TFCP2L1: variants seen among roughly 807,000 people sequenced by gnomAD.
TFCP2L1 encodes the protein transcription factor CP2 like 1.
Under a neutral mutation model 72.2 loss-of-function variants are expected in TFCP2L1, and 12 were observed. That is an observed-to-expected ratio of 0.17 (90% CI 0.11 to 0.27). TFCP2L1 has a LOEUF of 0.27. TFCP2L1 is among the 10% of genes least tolerant of loss of function. The pLI is 1.00. For missense variants in TFCP2L1, 488 were observed against 624.6 expected (o/e 0.78, Z 2.33); for synonymous variants, 260 against 251.0 (o/e 1.04, Z -0.34).
intron 12 of TFCP2L1, among the ~76,000 whole-genome samples, chr2:121,233,492 C>T (rs1213865901): frequency 1.3e-5 from 2 of 152,182 alleles, no homozygotes; most frequent in African/African-American, 2.4e-5. Context: ...GAGATTTGGT[C>T]TTGGTATATT....
At chr2:121,269,433 G>A (rs1385554625) in intron 2 of TFCP2L1, among the ~76,000 whole-genome samples, 1 of 151,734 alleles carries the variant, frequency 6.6e-6, no homozygotes, top group Admixed American at 6.6e-5. Context: ...GGGTGACAGA[G>A]GTGAGACCCT....
intron 2 of TFCP2L1, among the ~76,000 whole-genome samples, chr2:121,275,231 A>T (rs1430334317): frequency 6.6e-6 from 1 of 151,656 alleles, no homozygotes; most frequent in African/African-American, 2.4e-5. Context: ...AAAAATACAA[A>T]CTGTTAGCCA....
intron 13 of TFCP2L1, among the ~76,000 whole-genome samples, chr2:121,229,975 G>A (rs1218245343): frequency 6.6e-6 from 1 of 152,074 alleles, no homozygotes; most frequent in African/African-American, 2.4e-5. Context: ...GAAACAAATC[G>A]GAGTCTTAAT....
intron 2 of TFCP2L1, among the ~76,000 whole-genome samples, chr2:121,251,372 C>T (rs1686610438): frequency 6.6e-6 from 1 of 152,120 alleles, no homozygotes; most frequent in Non-Finnish European, 1.5e-5. Context: ...ACTTCGATTT[C>T]TCTGGGTTTT....
chr2:121,247,061 T>G, intron 5 of TFCP2L1, 91 bp from the exon 6 acceptor site: 1 of 1,497,152 alleles, frequency 6.7e-7, no homozygotes, highest in Non-Finnish European at 9.1e-7. Flanking sequence ...GAGGTGTCCT[T>G]CCCTGCTTGG....
chr2:121,217,361 G>A lies in TFCP2L1; in HGVS notation c.*6980C>T, dbSNP rs1558720153. The A allele has an allele frequency of 2.6e-5, 4 of 152,432 alleles. No homozygotes were observed. Among genetic ancestry groups the A allele is most frequent in the South Asian group, 4.1e-4 (2 of 4,824 alleles). 9.4% of individuals were successfully genotyped at this position (152,432 alleles called of 1,614,324 possible). On this transcript the variant is annotated 3_prime_UTR_variant, in exon 15 of 15. Transcript: ENST00000263707. The stretch of plus-strand genomic sequence containing the variant: ...AGTGGCTGCTGTCTGCCCCTGGAGT[G>A]AAGACACCAGGGGTGCACAGAGGCT...
intron 10 of TFCP2L1, among the ~76,000 whole-genome samples, chr2:121,236,703 T>A (rs3768906): frequency 0.52 from 79,286 of 151,574 alleles, 21,003 homozygotes; most frequent in Non-Finnish European, 0.56. Flanking sequence ...CTCTGACCTC[T>A]CCTCCCCGGG....
chr2:121,251,036 G>C (rs1686601365), intron 2 of TFCP2L1, among the ~76,000 whole-genome samples: 2 of 151,942 alleles, frequency 1.3e-5, no homozygotes, highest in Non-Finnish European at 2.9e-5. Context: ...AGGCAGGTGG[G>C]ATCACTTGTG....
chr2:121,256,882 G>C (rs1573382407), intron 2 of TFCP2L1, among the ~76,000 whole-genome samples: 1 of 152,086 alleles, frequency 6.6e-6, no homozygotes. Context: ...CTTGAACCCG[G>C]GAGGCAGAGC....
At position 121,254,798 on chromosome 2, in the gene TFCP2L1, G is replaced by A. The variant is rs1004403496; in HGVS notation, c.215-5151C>T. On this transcript the variant is annotated intron_variant, in intron 2 of 14. Coordinates refer to ENST00000263707, the MANE Select transcript of TFCP2L1 (RefSeq NM_014553.3). ...AGCCTGGGGGAGAGAGCGAGACTCC[G>A]TTTCAAAAAAAAAAAAAAGGAAGAA... 9.1e-4 allele frequency among the ~76,000 whole-genome samples: 135 copies of A among 147,776 alleles called. 2 individuals carry two copies. The highest frequency in any genetic ancestry group is 3.3e-3 in the African/African-American group (131 of 39,816).
At chr2:121,229,894 G>T (rs1215803009) in intron 13 of TFCP2L1, among the ~76,000 whole-genome samples, 1 of 152,200 alleles carries the variant, frequency 6.6e-6, no homozygotes, top group African/African-American at 2.4e-5. Context: ...CACTGTTTCT[G>T]TACTCAGTAT....
Position 121,239,960 on chromosome 2 carries a change from G to A in TFCP2L1, c.769-311C>T, listed in dbSNP as rs942592227. 3 of 827,422 alleles carry A rather than the reference G, an allele frequency of 3.6e-6. No individual in the cohort carries two copies. In the African/African-American group the frequency reaches 5.5e-5, roughly 15 times the overall value. The allele number at this position is 827,422 out of a possible 1,614,324, so 51.3% of individuals were successfully genotyped here. A position where few individuals can be genotyped will look rare whatever the true frequency, so the allele number is the denominator to read the frequency against. ...TCATGTGATTCTTGGGTCCACGAGAGAGAAAAAACGAAACCAGCCAGTTGT... is the reference window on the plus strand; with the variant it reads ...TCATGTGATTCTTGGGTCCACGAGAAAGAAAAAACGAAACCAGCCAGTTGT... On this transcript the variant is annotated intron_variant, in intron 7 of 14. Coordinates refer to ENST00000263707, the MANE Select transcript of TFCP2L1 (RefSeq NM_014553.3).
At chr2:121,241,157 C>T (rs928047735) in intron 7 of TFCP2L1, among the ~76,000 whole-genome samples, 2 of 152,096 alleles carry the variant, frequency 1.3e-5, no homozygotes, top group Non-Finnish European at 2.9e-5. Flanking sequence ...AAGAGTTGCA[C>T]AAAAATTCCC....
chr2:121,231,790 G>T, intron 13 of TFCP2L1, 36 bp downstream of exon 13: 1 of 1,607,206 alleles, frequency 6.2e-7, no homozygotes. Flanking sequence ...GTGGCCCAGA[G>T]CCCGTTGTCG....
intron 14 of TFCP2L1, among the ~76,000 whole-genome samples, 163 bp from the exon 15 acceptor site, chr2:121,224,550 G>A (rs1685985414): frequency 6.6e-6 from 1 of 152,220 alleles, no homozygotes; most frequent in Non-Finnish European, 1.5e-5. Context: ...CACATGCCCT[G>A]ACATCTGCCT....
intron 6 of TFCP2L1, among the ~76,000 whole-genome samples, chr2:121,246,537 C>T (rs906232794): frequency 1.3e-5 from 2 of 152,126 alleles, no homozygotes; most frequent in Admixed American, 6.5e-5. Context: ...TATAGAGTAG[C>T]GCCGAGGACC....
rs564288981 is a variant in TFCP2L1, at chr2:121,238,908, G to A, written c.860+650C>T. Among the ~76,000 whole-genome samples, 123 of 152,118 alleles carry A rather than the reference G, an allele frequency of 8.1e-4. 1 individual carries two copies. In the South Asian group the frequency reaches 0.017, roughly 21 times the overall value. The stretch of plus-strand genomic sequence containing the variant: ...CTGTCTGCCAAGCATGGGCTCTGAC[G>A]AACCTGCAAGCAGAAAACAGGCAGC... On this transcript the variant is annotated intron_variant, in intron 8 of 14. Transcript: ENST00000263707.
chr2:121,258,827 T>C (rs978305295), intron 2 of TFCP2L1, among the ~76,000 whole-genome samples: 3 of 152,202 alleles, frequency 2.0e-5, no homozygotes, highest in African/African-American at 7.2e-5. Flanking sequence ...GGCCCTATTT[T>C]AATAGGAATA....
intron 2 of TFCP2L1, among the ~76,000 whole-genome samples, chr2:121,280,865 T>C (rs1253615884): frequency 1.3e-5 from 2 of 151,532 alleles, no homozygotes; most frequent in Non-Finnish European, 2.9e-5. Flanking sequence ...GGAGGGGCTA[T>C]AGGAGGAATG....
Sources: gnomAD v4.1 joint callset for allele counts (sites outside exome capture counted in the v4.1 genomes callset) on GRCh38, gnomAD v4.1.1 for gene constraint, MANE v1.5 for transcripts, NCBI Gene and HGNC (gene_info 2026-07-23, HGNC 2026-07-21) for gene names.